The following KIAA1328 variants were observed in gnomAD, a reference collection of about 807,000 sequenced individuals.
KIAA1328 encodes the protein protein hinderin.
KIAA1328 carries 52 observed loss-of-function variants against 68.1 expected under a neutral mutation model. That is an observed-to-expected ratio of 0.76 (90% CI 0.61 to 0.96). KIAA1328 has a LOEUF of 0.96. Among genes scored for constraint, KIAA1328 ranks in the 40% least tolerant of loss-of-function variants. The probability of loss-of-function intolerance (pLI) is 0.00; values close to 1 mark genes in which losing one functional copy is unlikely to be tolerated. For synonymous variants in KIAA1328, 232 were observed against 239.4 expected (o/e 0.97, Z 0.28); for missense variants, 641 against 677.6 (o/e 0.95, Z 0.60).
chr18:36,907,724 T>G (rs2049274549), intron 5 of KIAA1328, among the ~76,000 whole-genome samples: 1 of 152,178 alleles, frequency 6.6e-6, no homozygotes, highest in Non-Finnish European at 1.5e-5. Context: ...TGGAATGACT[T>G]CATCTAGTTT....
downstream of KIAA1328, chr18:37,231,908 C>G (rs1296482610): frequency 6.6e-6 from 1 of 152,232 alleles, no homozygotes; most frequent in East Asian, 1.9e-4. Context: ...GAGACTGGCT[C>G]TCACTCCTCA....
intron 5 of KIAA1328, 124 bp downstream of exon 5, chr18:36,885,796 C>T (rs1225772533): frequency 3.4e-6 from 2 of 583,816 alleles, no homozygotes; most frequent in Non-Finnish European, 6.0e-6. Context: ...CAGTTCACCG[C>T]AACCTCCACC....
At chr18:36,931,014 A>G (rs1424531992) in intron 5 of KIAA1328, among the ~76,000 whole-genome samples, 2 of 151,916 alleles carry the variant, frequency 1.3e-5, no homozygotes, top group African/African-American at 4.8e-5. Context: ...TTTCTTACCT[A>G]CTGTCTTTAT....
In KIAA1328 at chr18:37,049,461, C is replaced by T. The variant is rs372012880; in HGVS notation, c.577-17429C>T. Among the ~76,000 whole-genome samples the T allele has an allele frequency of 3.9e-4, 59 of 152,010 alleles. 1 individual carries two copies. In the South Asian group the frequency reaches 7.7e-3, roughly 20 times the overall value. On this transcript the variant is annotated intron_variant, in intron 6 of 9. Transcript: ENST00000280020. ...TTCCCTTGTTTTTTTTACAGTAAAC[C>T]AAACTAGCTAATAAACAATACTCTA...
Position 36,857,435 on chromosome 18 carries a change from G to T in KIAA1328, c.332+13133G>T, listed in dbSNP as rs541263479. On this transcript the variant is annotated intron_variant, in intron 4 of 9. Transcript: ENST00000280020. ...AGCAAGCCTCTCTGCCAGTCTATCA[G>T]GTCAAAATAAATAACCACAAATATT... 4.6e-3 allele frequency among the ~76,000 whole-genome samples: 695 copies of T among 152,206 alleles called. 5 individuals are homozygous for T. Among genetic ancestry groups the T allele is most frequent in the South Asian group, 0.021 (103 of 4,818 alleles).
At chr18:36,859,143 CTATTT>C (rs2047475855) in intron 4 of KIAA1328, among the ~76,000 whole-genome samples, 1 of 152,056 alleles carries the variant, frequency 6.6e-6, no homozygotes, top group Non-Finnish European at 1.5e-5. Flanking sequence ...CAATATTAAA[CTATTT>C]TAATTATATC....
intron 7 of KIAA1328, among the ~76,000 whole-genome samples, chr18:37,117,060 G>A (rs1178348057): frequency 2.0e-5 from 3 of 152,214 alleles, no homozygotes; most frequent in Admixed American, 1.3e-4. Flanking sequence ...TACACTGCTG[G>A]TGGGACTGTA....
intron 9 of KIAA1328, among the ~76,000 whole-genome samples, chr18:37,194,459 A>G (rs2059965624): frequency 6.6e-6 from 1 of 152,202 alleles, no homozygotes; most frequent in South Asian, 2.1e-4. Context: ...ATATGAAGAA[A>G]GTAATCCTTT....
rs189701997 is a variant in KIAA1328, at chr18:37,036,840, G to T, written c.577-30050G>T. On this transcript the variant is annotated intron_variant, in intron 6 of 9. Coordinates refer to ENST00000280020, the MANE Select transcript of KIAA1328 (RefSeq NM_020776.3). ...TGGTTCAAATTTAGTCTAGATTAAA[G>T]AACTAATTTATTTTTTGTGCTTTTC... Among the ~76,000 whole-genome samples the T allele has an allele frequency of 3.9e-5, 6 of 152,244 alleles. No homozygotes were observed. In the East Asian group the frequency reaches 5.8e-4, roughly 15 times the overall value.
At chr18:36,996,286 G>T (rs1035500279) in intron 6 of KIAA1328, among the ~76,000 whole-genome samples, 3 of 152,114 alleles carry the variant, frequency 2.0e-5, no homozygotes, top group Non-Finnish European at 2.9e-5. Flanking sequence ...ATATAGACAT[G>T]TAATTCTCAG....
intron 6 of KIAA1328, among the ~76,000 whole-genome samples, chr18:37,051,817 C>T (rs1358826111): frequency 2.0e-5 from 3 of 152,024 alleles, no homozygotes; most frequent in African/African-American, 4.8e-5. Flanking sequence ...CCAAGGCAGG[C>T]GGATCACTGA....
chr18:37,109,304 A>G (rs527852849), intron 7 of KIAA1328, among the ~76,000 whole-genome samples: 12 of 152,358 alleles, frequency 7.9e-5, no homozygotes, highest in African/African-American at 2.6e-4. Flanking sequence ...GGGTTCTCCC[A>G]AGCTGTTGTA....
intron 6 of KIAA1328, among the ~76,000 whole-genome samples, chr18:37,018,213 G>A (rs373141263): frequency 1.8e-4 from 27 of 152,138 alleles, no homozygotes; most frequent in African/African-American, 3.6e-4. Flanking sequence ...CTCCTTTACC[G>A]CACAAACTGA....
chr18:37,089,443 C>T (rs941971228), intron 7 of KIAA1328, among the ~76,000 whole-genome samples: 4 of 142,722 alleles, frequency 2.8e-5, no homozygotes, highest in African/African-American at 1.1e-4. Flanking sequence ...GTCACAATCT[C>T]GGCTCATTGC....
chr18:36,884,360 T>C (rs972716042), intron 4 of KIAA1328, among the ~76,000 whole-genome samples: 6 of 152,034 alleles, frequency 3.9e-5, no homozygotes, highest in African/African-American at 1.2e-4. Flanking sequence ...ACATAAATAA[T>C]ATATAGGCCA....
intron 9 of KIAA1328, among the ~76,000 whole-genome samples, chr18:37,204,058 C>A (rs2060168664): frequency 1.3e-5 from 2 of 152,194 alleles, no homozygotes; most frequent in Non-Finnish European, 2.9e-5. Context: ...GATCTGCCCG[C>A]CTCGGCCTCC....
intron 9 of KIAA1328, among the ~76,000 whole-genome samples, chr18:37,190,600 A>G (rs2059887699): frequency 6.6e-6 from 1 of 152,184 alleles, no homozygotes; most frequent in Admixed American, 6.5e-5. Flanking sequence ...CCCTTCTGGG[A>G]TCCAGAGTTT....
rs1297442423 is a variant in KIAA1328 at position 36,829,213 on chromosome 18, T to G, written c.58+17T>G. ...GCCGGGACTGTATCCTTTGCCCGCC[T>G]GACAGGGGGCGCCGGCGCCCTCCAC... On this transcript the variant is annotated intron_variant, in intron 1 of 9. Transcript: ENST00000280020. The G allele has an allele frequency of 3.3e-6, 5 of 1,508,976 alleles. No homozygotes were observed. The highest frequency in any genetic ancestry group is 4.4e-6 in the Non-Finnish European group (5 of 1,130,674). The allele number at this position is 1,508,976 out of a possible 1,614,324, so 93.5% of individuals were successfully genotyped here.
chr18:36,929,703 A>G (rs1274157608), intron 5 of KIAA1328, among the ~76,000 whole-genome samples: 2 of 152,102 alleles, frequency 1.3e-5, no homozygotes, highest in African/African-American at 4.8e-5. Context: ...AAGAGGCTCC[A>G]GGAAGCTCTC....
Sources: gnomAD v4.1 joint callset for allele counts (sites outside exome capture counted in the v4.1 genomes callset) on GRCh38, gnomAD v4.1.1 for gene constraint, MANE v1.5 for transcripts, NCBI Gene and HGNC (gene_info 2026-07-23, HGNC 2026-07-21) for gene names.